The following LRRTM4 variants were observed in gnomAD, a reference collection of about 807,000 sequenced individuals.
LRRTM4 encodes leucine rich repeat transmembrane neuronal 4, also known as leucine-rich repeat transmembrane neuronal protein 4.
Under a neutral mutation model 47.6 loss-of-function variants are expected in LRRTM4, and 25 were observed. That is an observed-to-expected ratio of 0.53 (90% confidence interval 0.38 to 0.73). The LOEUF is 0.73. Among genes scored for constraint, LRRTM4 ranks in the 30% least tolerant of loss-of-function variants. The probability of loss-of-function intolerance (pLI) is 0.00; values close to 1 mark genes in which losing one functional copy is unlikely to be tolerated. For missense variants in LRRTM4, 638 were observed against 713.4 expected, an observed-to-expected ratio of 0.89 and a Z score of 1.20; for synonymous variants, 311 against 269.5, an observed-to-expected ratio of 1.15 and a Z score of -1.51.
chr2:76,919,867 AT>A (rs936421284), intron 3 of LRRTM4, among the ~76,000 whole-genome samples: 1 of 152,056 alleles, frequency 6.6e-6, no homozygotes, highest in African/African-American at 2.4e-5. Context: ...TTGTTGTGTC[AT>A]TTTCTGGTCC....
intron 3 of LRRTM4, among the ~76,000 whole-genome samples, chr2:77,391,684 C>A (rs936921023): frequency 6.6e-6 from 1 of 151,864 alleles, no homozygotes; most frequent in Non-Finnish European, 1.5e-5. Flanking sequence ...ATTTATAATT[C>A]CTTCCACTGA....
At chr2:77,198,667 A>G (rs572693038) in intron 3 of LRRTM4, among the ~76,000 whole-genome samples, 1 of 152,312 alleles carries the variant, frequency 6.6e-6, no homozygotes, top group East Asian at 1.9e-4. Context: ...TAATATAGCT[A>G]TAAAAATCAG....
intron 3 of LRRTM4, among the ~76,000 whole-genome samples, chr2:76,791,605 C>G (rs149792811): frequency 6.6e-6 from 1 of 152,290 alleles, no homozygotes; most frequent in African/African-American, 2.4e-5. Flanking sequence ...AGGGGAAACA[C>G]AGTAAATGCT....
intron 3 of LRRTM4, among the ~76,000 whole-genome samples, chr2:76,863,703 T>C (rs1177832010): frequency 6.6e-6 from 1 of 152,206 alleles, no homozygotes; most frequent in African/African-American, 2.4e-5. Flanking sequence ...ATGCTACTTA[T>C]ACACAAAAAA....
At chr2:77,014,802 ACT>A (rs887124323) in intron 3 of LRRTM4, among the ~76,000 whole-genome samples, 3 of 151,842 alleles carry the variant, frequency 2.0e-5, no homozygotes, top group African/African-American at 4.8e-5. Context: ...ACAGAGTGAG[ACT>A]CTGTCTCAAA....
intron 3 of LRRTM4, among the ~76,000 whole-genome samples, chr2:77,166,445 G>GA (rs1214195473): frequency 6.6e-6 from 1 of 152,000 alleles, no homozygotes; most frequent in Non-Finnish European, 1.5e-5. Context: ...CACAGAGTTG[G>GA]AAAAAACTAC....
At chr2:76,937,641 T>C (rs906954487) in intron 3 of LRRTM4, among the ~76,000 whole-genome samples, 9 of 152,224 alleles carry the variant, frequency 5.9e-5, no homozygotes, top group Middle Eastern at 3.2e-3. Flanking sequence ...CGATCCCGAC[T>C]CACTGCAACC....
intron 3 of LRRTM4, among the ~76,000 whole-genome samples, chr2:76,919,961 T>C (rs1442640095): frequency 1.3e-5 from 2 of 152,080 alleles, no homozygotes; most frequent in Non-Finnish European, 2.9e-5. Context: ...CATAATCTTT[T>C]ACTCATTTTT....
chr2:77,150,526 A>G (rs1672389042), intron 3 of LRRTM4, among the ~76,000 whole-genome samples: 1 of 152,168 alleles, frequency 6.6e-6, no homozygotes, highest in African/African-American at 2.4e-5. Context: ...CATTCATTTT[A>G]AGATCTCATT....
intron 3 of LRRTM4, among the ~76,000 whole-genome samples, chr2:76,757,099 A>G (rs2104070226): frequency 6.6e-6 from 1 of 152,216 alleles, no homozygotes; most frequent in South Asian, 2.1e-4. Context: ...CCTCATTTCC[A>G]TTTCTTTTCT....
intron 3 of LRRTM4, among the ~76,000 whole-genome samples, chr2:77,022,722 T>G (rs1018269803): frequency 6.6e-6 from 1 of 152,230 alleles, no homozygotes; most frequent in Non-Finnish European, 1.5e-5. Context: ...GTCATGCTGA[T>G]GTAAGAAATG....
chr2:77,186,160 T>C (rs1485834807), intron 3 of LRRTM4, among the ~76,000 whole-genome samples: 1 of 152,180 alleles, frequency 6.6e-6, no homozygotes, highest in Non-Finnish European at 1.5e-5. Context: ...GGAACTTAAA[T>C]TGGGACTTCC....
intron 3 of LRRTM4, among the ~76,000 whole-genome samples, chr2:77,073,946 T>C (rs1680248175): frequency 6.6e-6 from 1 of 151,604 alleles, no homozygotes; most frequent in Non-Finnish European, 1.5e-5. Context: ...AATTTTACCA[T>C]TTATCTTTAT....
chr2:77,395,241 G>A (rs933919052), intron 3 of LRRTM4, among the ~76,000 whole-genome samples: 1 of 151,892 alleles, frequency 6.6e-6, no homozygotes, highest in African/African-American at 2.4e-5. Flanking sequence ...TCATGGCCAG[G>A]AACTTCTGTT....
At chr2:77,316,734 T>C (rs1677629917) in intron 3 of LRRTM4, among the ~76,000 whole-genome samples, 1 of 152,048 alleles carries the variant, frequency 6.6e-6, no homozygotes, top group Non-Finnish European at 1.5e-5. Context: ...TTTGTAGAGA[T>C]GGGGTTTTGT....
At chr2:77,227,091 G>A (rs987186461) in intron 3 of LRRTM4, among the ~76,000 whole-genome samples, 2 of 151,978 alleles carry the variant, frequency 1.3e-5, no homozygotes, top group Admixed American at 1.3e-4. Flanking sequence ...TGGTTTTCTA[G>A]TTTGCAATGG....
At chr2:77,304,619 T>C (rs1426535883) in intron 3 of LRRTM4, among the ~76,000 whole-genome samples, 1 of 152,184 alleles carries the variant, frequency 6.6e-6, no homozygotes, top group African/African-American at 2.4e-5. Flanking sequence ...CTCTGATTTA[T>C]GACAATGGCT....
In LRRTM4 at chr2:77,074,367, T is replaced by C. The variant is rs144493409; in HGVS notation, c.1552-325451A>G. Reference sequence around the variant, plus strand: ...AAATTTGGAGCTTGGAAGTGAATTATTGTCCACAGTCCCTTGAACACTTTT... The same window carrying C: ...AAATTTGGAGCTTGGAAGTGAATTACTGTCCACAGTCCCTTGAACACTTTT... On this transcript the variant is annotated intron_variant, in intron 3 of 3. Coordinates refer to ENST00000409884, the MANE Select transcript of LRRTM4 (RefSeq NM_001134745.3). Among the ~76,000 whole-genome samples, 15 of 152,270 alleles carry C rather than the reference T, an allele frequency of 9.9e-5. No homozygotes were observed. The East Asian group carries it at 2.5e-3, about 26-fold the overall frequency.
chr2:77,114,834 G>A (rs377001350), intron 3 of LRRTM4, among the ~76,000 whole-genome samples: 108 of 152,216 alleles, frequency 7.1e-4, no homozygotes, highest in African/African-American at 2.4e-3. Flanking sequence ...CAAAGATCAC[G>A]TGCTCCAAAG....
Sources: allele counts gnomAD v4.1 joint callset (sites outside exome capture counted in the v4.1 genomes callset), GRCh38; gene constraint gnomAD v4.1.1; transcripts MANE v1.5; gene names NCBI Gene and HGNC (gene_info 2026-07-23, HGNC 2026-07-21).